PITPNA: variants seen among roughly 807,000 people sequenced by gnomAD.
PITPNA encodes the protein phosphatidylinositol transfer protein alpha isoform.
A neutral mutation model predicts 50.3 loss-of-function variants in PITPNA; 13 were observed. The observed-to-expected ratio is 0.26, with a 90% CI of 0.17 to 0.41. The LOEUF (loss-of-function observed/expected upper bound fraction) is 0.41, where lower values mean the gene tolerates loss of function less well. Ranked by LOEUF, PITPNA falls within the 10% of genes least tolerant of loss-of-function variation. PITPNA has a pLI of 1.00. For synonymous variants in PITPNA, 120 were observed against 119.6 expected (o/e 1.00, Z -0.02); for missense variants, 207 against 333.4 (o/e 0.62, Z 2.95).
rs996443398 is a variant in PITPNA at position 1,541,617 on chromosome 17, A to G, written c.321T>C (p.Phe107=). 1.9e-6 allele frequency: 3 copies of G among 1,612,872 alleles called. No homozygotes were observed. Residue 107 remains phenylalanine, a synonymous_variant, in exon 6 of 12, where the codon TTT becomes TTC. Transcript: ENST00000313486. ...TGTGCCAGGTTTCAATTTTAATCAG[A>G]AAGTCTTCTTTCATGTACTCATTCT... The part of the protein sequence containing the change: ...VITNEYMKED[F]LIKIETWHKP...
rs1007305865 is a variant in PITPNA, at chr17:1,541,849, T to C, written c.298-209A>G. On this transcript the variant is annotated intron_variant, in intron 5 of 11. Transcript: ENST00000313486. ...TCCTCACCCCAGCCTGAGAGCTCTG[T>C]AGAATCACCCTCATTTTACAGATGA... The C allele has an allele frequency of 3.6e-5, 24 of 661,844 alleles. No homozygotes were observed. In the African/African-American group the frequency reaches 3.7e-4, roughly 10 times the overall value. The allele number at this position is 661,844 out of a possible 1,614,324, so 41.0% of individuals were successfully genotyped here.
intron 10 of PITPNA, among the ~76,000 whole-genome samples, chr17:1,526,710 T>C (rs1479038316): frequency 2.0e-5 from 3 of 152,164 alleles, no homozygotes; most frequent in Admixed American, 1.3e-4. Flanking sequence ...TAGCTTCCCC[T>C]ACTGTCAGAA....
At chr17:1,556,177 A>G (rs1029070625) in intron 2 of PITPNA, among the ~76,000 whole-genome samples, 1 of 152,046 alleles carries the variant, frequency 6.6e-6, no homozygotes, top group African/African-American at 2.4e-5. Context: ...CCCCTCCAAG[A>G]TTTTTCTAAT....
At chr17:1,523,674 A>G (rs188956919) in intron 10 of PITPNA, among the ~76,000 whole-genome samples, 1,648 of 150,090 alleles carry the variant, frequency 0.011, 14 homozygotes, top group Non-Finnish European at 0.017. Flanking sequence ...TGCCTGGCTA[A>G]TTTTTTTTTG....
chr17:1,560,195 C>T (rs1034170075), intron 1 of PITPNA, among the ~76,000 whole-genome samples: 1 of 152,190 alleles, frequency 6.6e-6, no homozygotes, highest in Non-Finnish European at 1.5e-5. Flanking sequence ...GCTGACGTGA[C>T]GGCTGCACAC....
chr17:1,548,117 C>T (rs533103821), intron 4 of PITPNA, among the ~76,000 whole-genome samples, 179 bp downstream of exon 4: 4 of 152,342 alleles, frequency 2.6e-5, no homozygotes, highest in East Asian at 3.9e-4. Context: ...CAGGCCGTGA[C>T]GACCGGTGCT....
At position 1,562,459 on chromosome 17, in the gene PITPNA, T is replaced by G. The variant is rs984353374; in HGVS notation, c.20+82A>C. 4.2e-6 allele frequency: 5 copies of G among 1,185,024 alleles called. No individual in the cohort carries two copies. Among genetic ancestry groups the G allele is most frequent in the South Asian group, 3.2e-5 (2 of 61,702 alleles). 73.4% of individuals were successfully genotyped at this position (1,185,024 alleles called of 1,614,324 possible). On this transcript the variant is annotated intron_variant, in intron 1 of 11. Transcript: ENST00000313486. This position sits in a 1 kb window ranked among gnomAD's most constrained non-coding sequence, Gnocchi z 6.4. ...GCTGCCCCTCCGTCCATCCGGGCCC[T>G]GCGTCCCTCGCCGCGCCGTCGCCCC...
chr17:1,542,700 G>A (rs1265109221), intron 5 of PITPNA, among the ~76,000 whole-genome samples: 2 of 152,230 alleles, frequency 1.3e-5, no homozygotes, highest in Non-Finnish European at 2.9e-5. Context: ...GGGAAGGGAT[G>A]TCGGTCAGGT....
intron 5 of PITPNA, among the ~76,000 whole-genome samples, chr17:1,542,757 G>C (rs1045108779): frequency 6.6e-6 from 1 of 152,182 alleles, no homozygotes; most frequent in Non-Finnish European, 1.5e-5. Context: ...TGTGACCTGG[G>C]GAGGCAGGGC....
At chr17:1,550,591 G>A (rs1259191081) in intron 3 of PITPNA, among the ~76,000 whole-genome samples, 1 of 152,106 alleles carries the variant, frequency 6.6e-6, no homozygotes, top group East Asian at 1.9e-4. Context: ...GCAGTGGTGT[G>A]ATCATGGCTC....
At chr17:1,543,511 G>A (rs1369162230) in intron 4 of PITPNA, among the ~76,000 whole-genome samples, 2 of 152,076 alleles carry the variant, frequency 1.3e-5, no homozygotes, top group Admixed American at 6.6e-5. Context: ...ATTGTAATGG[G>A]AACCCCTTAG....
At chr17:1,554,344 T>C (rs2075724383) in intron 2 of PITPNA, among the ~76,000 whole-genome samples, 1 of 150,566 alleles carries the variant, frequency 6.6e-6, no homozygotes, top group African/African-American at 2.4e-5. Context: ...TCGAGCTCTA[T>C]GCCCAACTCC....
chr17:1,559,129 A>T (rs1162357463), intron 1 of PITPNA, among the ~76,000 whole-genome samples: 1 of 152,080 alleles, frequency 6.6e-6, no homozygotes, highest in Non-Finnish European at 1.5e-5. Context: ...CCAGGAAGGG[A>T]CCAAGCCCCT....
In PITPNA at chr17:1,534,168, A is replaced by G; in HGVS notation, c.699T>C (p.Asp233=). The G allele has an allele frequency of 6.2e-7, 1 of 1,613,804 alleles. No homozygotes were observed. The highest frequency in any genetic ancestry group is 8.5e-7 in the Non-Finnish European group (1 of 1,179,848). Residue 233 remains aspartate, a synonymous_variant, in exon 10 of 12, where the codon GAT becomes GAC. Coordinates refer to ENST00000313486, the MANE Select transcript of PITPNA (RefSeq NM_006224.4). ...CGTCCATGGTCAGGTCAACCCACTT[A>G]TCGAGCCAACAGAACAGCTGCCTGT... ...NFHRQLFCWL[D]KWVDLTMDDI...
chr17:1,531,121 G>A (rs1369763370), intron 10 of PITPNA, among the ~76,000 whole-genome samples: 2 of 152,134 alleles, frequency 1.3e-5, no homozygotes, highest in East Asian at 3.8e-4. Flanking sequence ...GGTGCTGCTA[G>A]GGGGAAGGTG....
Position 1,562,589 on chromosome 17 carries a change from GGCCCGCCCGGCCTCCCGCCCGCT to G in PITPNA, c.-52_-30del, listed in dbSNP as rs950821841. 12 of 1,265,546 alleles carry G rather than the reference GGCCCGCCCGGCCTCCCGCCCGCT, an allele frequency of 9.5e-6. No individual in the cohort carries two copies. The highest frequency in any genetic ancestry group is 1.2e-5 in the Non-Finnish European group (12 of 1,001,392). 78.4% of individuals were successfully genotyped at this position (1,265,546 alleles called of 1,614,324 possible). On this transcript the variant is annotated 5_prime_UTR_variant, in exon 1 of 12. Coordinates refer to ENST00000313486, the MANE Select transcript of PITPNA (RefSeq NM_006224.4). The surrounding 1 kb of genome is among the most constrained non-coding windows in gnomAD (Gnocchi z 6.4). ...GCTTCGCGGCTCGGTGGCTGCCCGC[GGCCCGCCCGGCCTCCCGCCCGCT>G]GCCCGCCGGCCGCTCTCCCCGTGGC...
chr17:1,531,102 A>G lies in PITPNA; in HGVS notation c.768+2997T>C, dbSNP rs543841051. On this transcript the variant is annotated intron_variant, in intron 10 of 11. Transcript: ENST00000313486. ...GAAGCGCTGAGGGAACCCTGACCTC[A>G]GGACCCCAGGTGCTGCTAGGGGGAA... 1.0e-3 allele frequency among the ~76,000 whole-genome samples: 153 copies of G among 152,298 alleles called. No individual in the cohort carries two copies. The Middle Eastern group carries it at 0.01, about 10-fold the overall frequency.
chr17:1,534,302 A>C, intron 9 of PITPNA, 81 bp from the exon 10 acceptor site: 1 of 1,560,272 alleles, frequency 6.4e-7, no homozygotes. Context: ...ACTCCACACG[A>C]ATACCCACAC....
Position 1,535,479 on chromosome 17 carries a change from T to C in PITPNA, c.496A>G (p.Ile166Val), listed in dbSNP as rs148261964. The change falls in exon 8 of 12, where the codon ATC becomes GTC. Residue 166 changes from isoleucine to valine, a missense_variant. Transcript: ENST00000313486. Reference protein sequence around the residue: ...AEEDPAKFKSIKTGRGPLGPN... With the variant: ...AEEDPAKFKSVKTGRGPLGPN... ...CCCAAGGGTCCTCGGCCTGTTTTGA[T>C]AGATTTAAATTTTGCTGGGTCTTCC... 5.0e-6 allele frequency: 8 copies of C among 1,613,640 alleles called. No individual in the cohort carries two copies. Among genetic ancestry groups the C allele is most frequent in the African/African-American group, 2.7e-5 (2 of 75,000 alleles).
Sources: allele counts gnomAD v4.1 joint callset (sites outside exome capture counted in the v4.1 genomes callset), GRCh38; gene constraint gnomAD v4.1.1; non-coding constraint Gnocchi (gnomAD v3.1); transcripts MANE v1.5; gene names NCBI Gene and HGNC (gene_info 2026-07-23, HGNC 2026-07-21).